The following PARP8 variants were observed in gnomAD, a reference collection of about 807,000 sequenced individuals.
PARP8 encodes the protein poly(ADP-ribose) polymerase family member 8, also known as protein mono-ADP-ribosyltransferase PARP8.
Under a neutral mutation model 124.1 loss-of-function variants are expected in PARP8, and 51 were observed. That is an observed-to-expected ratio of 0.41 (90% CI 0.33 to 0.52). The LOEUF (loss-of-function observed/expected upper bound fraction) is 0.52, where lower values mean the gene tolerates loss of function less well. PARP8 is among the 20% of genes least tolerant of loss of function. The pLI, the probability that PARP8 is intolerant of heterozygous loss-of-function variation, is 0.21. For synonymous variants in PARP8, 391 were observed against 361.5 expected (o/e 1.08, Z -0.93); for missense variants, 860 against 1,018.9 (o/e 0.84, Z 2.12).
chr5:50,764,805 GT>G (rs1008103310), intron 7 of PARP8, among the ~76,000 whole-genome samples: 18 of 141,430 alleles, frequency 1.3e-4, no homozygotes, highest in African/African-American at 4.8e-4. Flanking sequence ...CAATGGCTGT[GT>G]TTTTTTCTTT....
intron 2 of PARP8, among the ~76,000 whole-genome samples, chr5:50,669,728 A>C (rs762748009): frequency 6.6e-6 from 1 of 152,246 alleles, no homozygotes; most frequent in Non-Finnish European, 1.5e-5. Context: ...AGATAACATC[A>C]GTTTTCACCA....
chr5:50,716,467 T>G (rs1472459431), intron 2 of PARP8, among the ~76,000 whole-genome samples: 2 of 152,032 alleles, frequency 1.3e-5, no homozygotes, highest in Non-Finnish European at 2.9e-5. Flanking sequence ...GATTAATTGT[T>G]TCAAAGTTAC....
At position 50,799,482 on chromosome 5, in the gene PARP8, T is replaced by A. The variant is rs191092192; in HGVS notation, c.1575+2249T>A. On this transcript the variant is annotated intron_variant, in intron 14 of 25. Transcript: ENST00000281631. ...TTGATTAATGTTGCTTTATAGTAAGTTTGAAATCAAGAGGCAGAAATCCTT... is the reference window on the plus strand; with the variant it reads ...TTGATTAATGTTGCTTTATAGTAAGATTGAAATCAAGAGGCAGAAATCCTT... Among the ~76,000 whole-genome samples the A allele has an allele frequency of 1.8e-4, 28 of 152,332 alleles. No homozygotes were observed. In the East Asian group the frequency reaches 5.4e-3, roughly 29 times the overall value.
At chr5:50,726,948 C>T (rs147725477) in intron 2 of PARP8, among the ~76,000 whole-genome samples, 2 of 152,166 alleles carry the variant, frequency 1.3e-5, no homozygotes, top group African/African-American at 2.4e-5. Context: ...AAGATTGTGT[C>T]GTTAGGAACT....
chr5:50,700,933 TCC>T (rs2149475005), intron 2 of PARP8, among the ~76,000 whole-genome samples: 1 of 152,218 alleles, frequency 6.6e-6, no homozygotes, highest in Admixed American at 6.5e-5. Context: ...GCACTCCAGA[TCC>T]ATCTGAGTAC....
intron 1 of PARP8, chr5:50,667,520 G>GCGGCGGTAGAGCGGGGTTGGTTGGACCC (rs1561216370): frequency 1.4e-6 from 1 of 700,058 alleles, no homozygotes; most frequent in African/African-American, 1.7e-5. Context: ...GGTTCCAGCA[G>GCGGCGGTAGAGCGGGGTTGGTTGGACCC]CGGCGGCAGA....
chr5:50,785,886 C>T (rs1365050962), intron 9 of PARP8, among the ~76,000 whole-genome samples: 1 of 152,126 alleles, frequency 6.6e-6, no homozygotes, highest in Admixed American at 6.6e-5. Flanking sequence ...GTGAATGGCA[C>T]TATCTAAGCT....
chr5:50,788,279 T>TTATACAATATAATGTATAATG (rs904241484), intron 9 of PARP8, among the ~76,000 whole-genome samples: 1 of 148,072 alleles, frequency 6.8e-6, no homozygotes, highest in Admixed American at 6.8e-5. Context: ...GTATTATGTA[T>TTATACAATATAATGTATAATG]TATACAATAT....
chr5:50,785,346 T>A (rs2149626253), intron 9 of PARP8, among the ~76,000 whole-genome samples: 1 of 152,306 alleles, frequency 6.6e-6, no homozygotes, highest in East Asian at 1.9e-4. Flanking sequence ...TAGTGTTATA[T>A]AACCCTTCTT....
At chr5:50,724,525 G>T (rs1485245607) in intron 2 of PARP8, among the ~76,000 whole-genome samples, 1 of 152,108 alleles carries the variant, frequency 6.6e-6, no homozygotes, top group Admixed American at 6.6e-5. Flanking sequence ...TCCACAATTT[G>T]TCAGAAATGG....
intron 24 of PARP8, 85 bp from the exon 25 acceptor site, chr5:50,834,846 C>A: frequency 8.5e-7 from 1 of 1,178,316 alleles, no homozygotes; most frequent in Non-Finnish European, 1.2e-6. Flanking sequence ...CTTTAGATTT[C>A]AACGAGAAGA....
intron 14 of PARP8, 92 bp from the exon 15 acceptor site, chr5:50,815,340 A>G (rs1176657814): frequency 5.7e-6 from 5 of 874,850 alleles, no homozygotes; most frequent in Non-Finnish European, 8.5e-6. Flanking sequence ...TAAACCTTGC[A>G]TTTTCTATTT....
intron 2 of PARP8, among the ~76,000 whole-genome samples, chr5:50,724,530 A>G (rs910056503): frequency 6.6e-6 from 1 of 152,172 alleles, no homozygotes; most frequent in Non-Finnish European, 1.5e-5. Flanking sequence ...AATTTGTCAG[A>G]AATGGCTGCT....
intron 7 of PARP8, among the ~76,000 whole-genome samples, chr5:50,766,820 C>T (rs1184259483): frequency 2.6e-5 from 4 of 152,072 alleles, no homozygotes; most frequent in South Asian, 2.1e-4. Context: ...ACGTATATCA[C>T]GTTACTCATA....
In PARP8 at chr5:50,788,989, G is replaced by C. The variant is rs147705189; in HGVS notation, c.737+400G>C. 6.1e-3 allele frequency among the ~76,000 whole-genome samples: 928 copies of C among 152,240 alleles called. 6 individuals carry two copies. The highest frequency in any genetic ancestry group is 0.012 in the South Asian group (56 of 4,826). On this transcript the variant is annotated intron_variant, in intron 10 of 25. Coordinates refer to ENST00000281631, the MANE Select transcript of PARP8 (RefSeq NM_024615.4). Reference sequence around the variant, plus strand: ...CCGACCAGTCCTTCCACTGAAGCCTGCTGCTCTGCTCCAGGCTGCAACGTG... The same window carrying C: ...CCGACCAGTCCTTCCACTGAAGCCTCCTGCTCTGCTCCAGGCTGCAACGTG...
At chr5:50,795,500 G>T (rs1045757019) in intron 12 of PARP8, 83 bp downstream of exon 12, 1 of 1,131,494 alleles carries the variant, frequency 8.8e-7, no homozygotes, top group Non-Finnish European at 1.2e-6. Flanking sequence ...ATCTGGTGGA[G>T]AAAAGAAGCA....
chr5:50,839,122 C>T (rs1196231779), intron 25 of PARP8, among the ~76,000 whole-genome samples: 1 of 152,036 alleles, frequency 6.6e-6, no homozygotes, highest in Non-Finnish European at 1.5e-5. Context: ...AATGTTCTTA[C>T]ATACCTAAGA....
chr5:50,837,935 T>G (rs189281324), intron 25 of PARP8, among the ~76,000 whole-genome samples: 19 of 152,202 alleles, frequency 1.2e-4, no homozygotes, highest in Admixed American at 1.1e-3. Flanking sequence ...AATTCCTAGT[T>G]TCTAGAAACT....
At chr5:50,806,050 T>C (rs1411383090) in intron 14 of PARP8, among the ~76,000 whole-genome samples, 1 of 152,078 alleles carries the variant, frequency 6.6e-6, no homozygotes, top group Non-Finnish European at 1.5e-5. Context: ...CCACAAAAGA[T>C]AATAGTAATG....
Sources: allele counts gnomAD v4.1 joint callset (sites outside exome capture counted in the v4.1 genomes callset), GRCh38; gene constraint gnomAD v4.1.1; transcripts MANE v1.5; gene names NCBI Gene and HGNC (gene_info 2026-07-23, HGNC 2026-07-21).